LRRC4C: variants seen among roughly 807,000 people sequenced by gnomAD.
LRRC4C encodes the protein leucine-rich repeat-containing protein 4C.
LRRC4C carries 5 observed loss-of-function variants against 33.6 expected under a neutral mutation model. The observed-to-expected ratio is 0.15, with a 90% CI of 0.08 to 0.31. The LOEUF (loss-of-function observed/expected upper bound fraction) is 0.31, where lower values mean the gene tolerates loss of function less well. Ranked by LOEUF, LRRC4C falls within the 10% of genes least tolerant of loss-of-function variation. The probability of loss-of-function intolerance (pLI) is 1.00; values close to 1 mark genes in which losing one functional copy is unlikely to be tolerated. For synonymous variants in LRRC4C, 329 were observed against 302.0 expected (o/e 1.09, Z -0.93); for missense variants, 560 against 796.7 (o/e 0.70, Z 3.58).
chr11:40,295,401 C>T (rs940397744), intron 4 of LRRC4C, among the ~76,000 whole-genome samples: 2 of 151,910 alleles, frequency 1.3e-5, no homozygotes, highest in African/African-American at 4.8e-5. Context: ...CACTGATTTT[C>T]TTTATTTTTG....
At chr11:40,486,098 C>T (rs1334890726) in intron 3 of LRRC4C, among the ~76,000 whole-genome samples, 1 of 148,994 alleles carries the variant, frequency 6.7e-6, no homozygotes, top group African/African-American at 2.5e-5. Context: ...CCCCATGACA[C>T]AAGTTTACCT....
At chr11:40,409,712 C>A (rs915963630) in intron 3 of LRRC4C, among the ~76,000 whole-genome samples, 6 of 151,626 alleles carry the variant, frequency 4.0e-5, no homozygotes, top group Non-Finnish European at 7.4e-5. Context: ...GAATGGCCAA[C>A]ATAAAAAAGA....
intron 1 of LRRC4C, among the ~76,000 whole-genome samples, chr11:41,171,558 A>C (rs2136098022): frequency 6.8e-6 from 1 of 146,130 alleles, no homozygotes; most frequent in Admixed American, 6.9e-5. Flanking sequence ...CAATAAGAAC[A>C]CATGGACACA....
intron 2 of LRRC4C, among the ~76,000 whole-genome samples, chr11:40,881,791 T>C (rs1198504024): frequency 1.3e-5 from 2 of 152,104 alleles, no homozygotes; most frequent in East Asian, 3.9e-4. Context: ...CTCAATCTAA[T>C]GAAGACTTTC....
chr11:40,641,651 G>C, intron 3 of LRRC4C, among the ~76,000 whole-genome samples: 1 of 152,264 alleles, frequency 6.6e-6, no homozygotes, highest in South Asian at 2.1e-4. Context: ...GACCTCTCCT[G>C]CTTTCTCAGC....
chr11:40,462,184 T>A (rs59090753), intron 3 of LRRC4C, among the ~76,000 whole-genome samples: 6,200 of 152,118 alleles, frequency 0.041, 411 homozygotes, highest in African/African-American at 0.14. Context: ...AATATTGATG[T>A]TATAAATAGA....
chr11:40,898,491 A>G (rs1317470555), intron 2 of LRRC4C, among the ~76,000 whole-genome samples: 2 of 152,062 alleles, frequency 1.3e-5, no homozygotes, highest in African/African-American at 2.4e-5. Context: ...ACGGATAGAA[A>G]AGGAATCTGA....
At chr11:40,138,252 T>C (rs1415321143) in intron 6 of LRRC4C, among the ~76,000 whole-genome samples, 1 of 152,028 alleles carries the variant, frequency 6.6e-6, no homozygotes, top group Non-Finnish European at 1.5e-5. Context: ...ACTGTAACCT[T>C]GAACTTCTGG....
intron 1 of LRRC4C, among the ~76,000 whole-genome samples, chr11:40,948,467 C>G (rs1336083660): frequency 2.0e-5 from 3 of 150,158 alleles, no homozygotes; most frequent in African/African-American, 7.4e-5. Flanking sequence ...GCTGCACCCA[C>G]TAACTCGTCA....
intron 5 of LRRC4C, among the ~76,000 whole-genome samples, chr11:40,188,077 TGAAGGAAG>T (rs1861550575): frequency 6.6e-6 from 1 of 152,182 alleles, no homozygotes; most frequent in Non-Finnish European, 1.5e-5. Context: ...TGAAGAATAC[TGAAGGAAG>T]ATAGAAAAAC....
chr11:40,317,739 C>T (rs1455873941), intron 4 of LRRC4C, among the ~76,000 whole-genome samples: 2 of 152,058 alleles, frequency 1.3e-5, no homozygotes, highest in Non-Finnish European at 2.9e-5. Flanking sequence ...CCACTCATTA[C>T]CAAGTTACAA....
chr11:41,219,858 T>C (rs1947226548), intron 1 of LRRC4C, among the ~76,000 whole-genome samples: 1 of 152,144 alleles, frequency 6.6e-6, no homozygotes, highest in African/African-American at 2.4e-5. Context: ...GTACCAGTTT[T>C]AAAAATACTA....
intron 1 of LRRC4C, among the ~76,000 whole-genome samples, chr11:41,101,636 C>A (rs780378621): frequency 1.3e-5 from 2 of 152,158 alleles, no homozygotes; most frequent in African/African-American, 2.4e-5. Context: ...ACCCAGCGAT[C>A]CCATTACTGG....
chr11:40,792,414 G>A (rs1228690135), intron 2 of LRRC4C, among the ~76,000 whole-genome samples: 2 of 151,698 alleles, frequency 1.3e-5, no homozygotes, highest in Non-Finnish European at 2.9e-5. Context: ...AGTTAGAAAG[G>A]GAAATGTAAG....
At chr11:40,128,862 T>C (rs1476295779) in intron 6 of LRRC4C, among the ~76,000 whole-genome samples, 2 of 152,206 alleles carry the variant, frequency 1.3e-5, no homozygotes, top group Non-Finnish European at 2.9e-5. Context: ...AAAGTTCTTT[T>C]TGATTACCTG....
At chr11:41,051,025 C>T (rs913872282) in intron 1 of LRRC4C, among the ~76,000 whole-genome samples, 8 of 152,140 alleles carry the variant, frequency 5.3e-5, no homozygotes, top group African/African-American at 1.7e-4. Context: ...AATAAACTTA[C>T]ATTCTAGGGC....
intron 3 of LRRC4C, among the ~76,000 whole-genome samples, chr11:40,592,319 G>T (rs892848498): frequency 1.3e-5 from 2 of 152,180 alleles, no homozygotes; most frequent in African/African-American, 4.8e-5. Flanking sequence ...CACATGCTGT[G>T]AGCATCATAA....
intron 1 of LRRC4C, among the ~76,000 whole-genome samples, chr11:41,188,824 A>G (rs1016031525): frequency 2.0e-5 from 3 of 151,750 alleles, no homozygotes; most frequent in African/African-American, 7.3e-5. Flanking sequence ...TCTCTTACAT[A>G]TAGAACCATA....
intron 2 of LRRC4C, among the ~76,000 whole-genome samples, chr11:40,930,834 A>AT (rs1957586739): frequency 6.6e-6 from 1 of 152,238 alleles, no homozygotes; most frequent in African/African-American, 2.4e-5. Flanking sequence ...AACAAATTAA[A>AT]TCCCCCAAAC....
Sources: allele counts gnomAD v4.1 joint callset (sites outside exome capture counted in the v4.1 genomes callset), GRCh38; gene constraint gnomAD v4.1.1; transcripts MANE v1.5; gene names NCBI Gene and HGNC (gene_info 2026-07-23, HGNC 2026-07-21).